Variants in MLLT10 observed in about 807,000 individuals in gnomAD.
The protein encoded by MLLT10 is MLLT10 histone lysine methyltransferase DOT1L cofactor.
Under a neutral mutation model 129.1 loss-of-function variants are expected in MLLT10, and 30 were observed. That is an observed-to-expected ratio of 0.23 (90% CI 0.17 to 0.32). The LOEUF is 0.32. MLLT10 is among the 10% of genes least tolerant of loss of function. The probability of loss-of-function intolerance (pLI) is 1.00; values close to 1 mark genes in which losing one functional copy is unlikely to be tolerated. For synonymous variants in MLLT10, 490 were observed against 446.4 expected (o/e 1.10, Z -1.23); for missense variants, 1,119 against 1,268.3 (o/e 0.88, Z 1.79).
chr10:21,646,450 C>T (rs1028872288), intron 8 of MLLT10, among the ~76,000 whole-genome samples: 4 of 151,724 alleles, frequency 2.6e-5, no homozygotes, highest in Non-Finnish European at 5.9e-5. Context: ...ATCATGGGTG[C>T]CTTACCTACT....
intron 3 of MLLT10, among the ~76,000 whole-genome samples, chr10:21,574,496 A>G (rs2040530848): frequency 6.6e-6 from 1 of 152,260 alleles, no homozygotes; most frequent in Non-Finnish European, 1.5e-5. Flanking sequence ...TTCATAGAGT[A>G]AAGTGAAAGC....
chr10:21,595,845 T>C (rs1009917890), intron 5 of MLLT10, among the ~76,000 whole-genome samples: 2 of 152,118 alleles, frequency 1.3e-5, no homozygotes, highest in African/African-American at 4.8e-5. Flanking sequence ...TATTAGAATG[T>C]TACTTGTCTC....
chr10:21,708,555 GT>G (rs377253140), intron 13 of MLLT10: 7 of 981,620 alleles, frequency 7.1e-6, no homozygotes, highest in Non-Finnish European at 8.5e-6. Flanking sequence ...ATTTTGCTCT[GT>G]TTTTTTTGTG....
At chr10:21,692,687 A>G (rs969080897) in intron 13 of MLLT10, among the ~76,000 whole-genome samples, 3 of 150,206 alleles carry the variant, frequency 2.0e-5, no homozygotes, top group African/African-American at 7.4e-5. Context: ...GATCTTACTA[A>G]TGTCGCCCAG....
In MLLT10 at chr10:21,600,368, AACACACAC is replaced by A. The variant is rs199618726; in HGVS notation, c.405+4956_405+4963del. ...CAATATTGAATCTTTCCTGAGATAGAACACACACACACACACACACACACACACACACA... is the reference window on the plus strand; with the variant it reads ...CAATATTGAATCTTTCCTGAGATAGAACACACACACACACACACACACACA... On this transcript the variant is annotated intron_variant, in intron 5 of 22. Transcript: ENST00000307729. 1.5e-3 allele frequency among the ~76,000 whole-genome samples: 214 copies of A among 144,646 alleles called. 1 individual carries two copies. Among genetic ancestry groups the A allele is most frequent in the African/African-American group, 4.6e-3 (185 of 39,788 alleles). The allele number at this position is 144,646 out of a possible 152,430, so 94.9% of individuals were successfully genotyped here. A position where few individuals can be genotyped will look rare whatever the true frequency, so the allele number is the denominator to read the frequency against.
chr10:21,535,896 G>A (rs958819556), intron 2 of MLLT10, among the ~76,000 whole-genome samples: 1 of 152,214 alleles, frequency 6.6e-6, no homozygotes, highest in African/African-American at 2.4e-5. Context: ...CTGAGGTAGT[G>A]TACTTACTCT....
At chr10:21,566,859 G>A (rs1268417244) in intron 3 of MLLT10, among the ~76,000 whole-genome samples, 2 of 151,810 alleles carry the variant, frequency 1.3e-5, no homozygotes, top group African/African-American at 4.8e-5. Context: ...TGTTGCCCAG[G>A]CTGAAGTGCA....
chr10:21,713,042 A>G (rs2056245129), intron 13 of MLLT10, among the ~76,000 whole-genome samples: 2 of 152,108 alleles, frequency 1.3e-5, no homozygotes, highest in Admixed American at 1.3e-4. Flanking sequence ...GGTGCCTCTC[A>G]AAGTGTTTTC....
At chr10:21,717,528 T>TCGACCA (rs1226371364) in intron 14 of MLLT10, among the ~76,000 whole-genome samples, 1 of 119,288 alleles carries the variant, frequency 8.4e-6, no homozygotes, top group East Asian at 2.7e-4. Flanking sequence ...CACCTCCTCC[T>TCGACCA]CCTCCTCCTC....
At chr10:21,582,898 G>C (rs981245156) in intron 3 of MLLT10, among the ~76,000 whole-genome samples, 5 of 152,346 alleles carry the variant, frequency 3.3e-5, no homozygotes, top group Admixed American at 3.3e-4. Context: ...TAGGCTGGGT[G>C]AGGTGGCTCA....
chr10:21,663,395 A>C (rs1315415471), intron 9 of MLLT10, among the ~76,000 whole-genome samples: 12 of 140,826 alleles, frequency 8.5e-5, no homozygotes, highest in Non-Finnish European at 1.1e-4. Context: ...TTTTTTTTTG[A>C]GACGGAGTTT....
intron 5 of MLLT10, among the ~76,000 whole-genome samples, chr10:21,603,660 T>G (rs747724682): frequency 6.6e-6 from 1 of 151,988 alleles, no homozygotes; most frequent in Non-Finnish European, 1.5e-5. Flanking sequence ...TATCACAAAC[T>G]GGGTGACTTG....
chr10:21,547,527 CTT>C (rs869057298), intron 3 of MLLT10, among the ~76,000 whole-genome samples: 10 of 135,074 alleles, frequency 7.4e-5, no homozygotes, highest in Non-Finnish European at 8.0e-5. Flanking sequence ...CTGTTTTTTT[CTT>C]TTTTTTTTTT....
intron 8 of MLLT10, chr10:21,626,273 C>G: frequency 2.1e-6 from 3 of 1,445,006 alleles, no homozygotes; most frequent in Non-Finnish European, 2.9e-6. Flanking sequence ...AAGATCGATA[C>G]AAGCTATCAA....
At chr10:21,559,950 TG>T (rs2038591081) in intron 3 of MLLT10, among the ~76,000 whole-genome samples, 1 of 152,130 alleles carries the variant, frequency 6.6e-6, no homozygotes, top group African/African-American at 2.4e-5. Flanking sequence ...CTTTTTTTTT[TG>T]GGTCGGGTGG....
At chr10:21,711,626 G>A (rs1271724430) in intron 13 of MLLT10, among the ~76,000 whole-genome samples, 1 of 146,616 alleles carries the variant, frequency 6.8e-6, no homozygotes, top group Non-Finnish European at 1.5e-5. Context: ...TTCGCCTGTG[G>A]TCCCAGCTAC....
chr10:21,566,923 C>G (rs1401069476), intron 3 of MLLT10, among the ~76,000 whole-genome samples: 5 of 152,040 alleles, frequency 3.3e-5, no homozygotes, highest in Non-Finnish European at 7.3e-5. Flanking sequence ...AAGCGATTCT[C>G]CTGCCTCAGC....
chr10:21,730,309 GAAAAA>G (rs10568793), intron 16 of MLLT10, among the ~76,000 whole-genome samples: 3 of 122,856 alleles, frequency 2.4e-5, no homozygotes, highest in African/African-American at 8.8e-5. Context: ...CTCCAAAAAT[GAAAAA>G]AAAAAAAAAA....
chr10:21,563,048 A>G (rs185307208), intron 3 of MLLT10, among the ~76,000 whole-genome samples: 13 of 151,890 alleles, frequency 8.6e-5, no homozygotes, highest in African/African-American at 2.9e-4. Context: ...TGAACTCCCA[A>G]CCTCAGGTTC....
Sources: allele counts gnomAD v4.1 joint callset (sites outside exome capture counted in the v4.1 genomes callset), GRCh38; gene constraint gnomAD v4.1.1; transcripts MANE v1.5; gene names NCBI Gene and HGNC (gene_info 2026-07-23, HGNC 2026-07-21).